The following HNRNPA2B1 variants were observed in gnomAD, a reference collection of about 807,000 sequenced individuals.
HNRNPA2B1 encodes the protein heterogeneous nuclear ribonucleoproteins A2/B1.
A neutral mutation model predicts 46.3 loss-of-function variants in HNRNPA2B1; 3 were observed. The ratio of observed to expected loss-of-function variants is 0.06; its 90% CI spans 0.03 to 0.17. The LOEUF (loss-of-function observed/expected upper bound fraction) is 0.17. Ranked by LOEUF, HNRNPA2B1 falls within the 10% of genes least tolerant of loss-of-function variation. The pLI is 1.00. For synonymous variants in HNRNPA2B1, 225 were observed against 133.8 expected, an observed-to-expected ratio of 1.68 and a Z score of -4.70; for missense variants, 221 against 418.9, an observed-to-expected ratio of 0.53 and a Z score of 4.12.
intron 7 of HNRNPA2B1, among the ~76,000 whole-genome samples, chr7:26,195,105 A>G (rs1473816630): frequency 6.9e-6 from 1 of 145,972 alleles, no homozygotes; most frequent in Non-Finnish European, 1.5e-5. Context: ...AAAAAAAAAA[A>G]AAAAAGAAAC....
Position 26,196,457 on chromosome 7 carries a change from C to A in HNRNPA2B1, c.602G>T (p.Arg201Leu). Residue 201 changes from arginine (R) to leucine (L), a missense_variant, in exon 6 of 11, where the codon CGT (arginine) becomes CTT (leucine). Physicochemically the swap from Arg to Leu is moderately radical, Grantham distance 102 (BLOSUM62 -2). Coordinates refer to ENST00000618183, the MANE Select transcript of HNRNPA2B1 (RefSeq NM_002137.4). The stretch of plus-strand genomic sequence containing the variant: ...TGGTCCGAAATTTCCACCGCCACCA[C>A]GTGAATCCCCAAAGCCAAAGTTGCC... Reference protein sequence around the residue: ...RGGNFGFGDSRGGGGNFGPGP... With the variant: ...RGGNFGFGDSLGGGGNFGPGP... The A allele has an allele frequency of 6.2e-7, 1 of 1,614,178 alleles. No homozygotes were observed. The highest frequency in any genetic ancestry group is 8.5e-7 in the Non-Finnish European group (1 of 1,180,022).
intron 9 of HNRNPA2B1, 67 bp from the exon 10 acceptor site, chr7:26,192,644 C>T (rs1310594684): frequency 7.2e-6 from 9 of 1,258,016 alleles, no homozygotes; most frequent in African/African-American, 5.9e-5. Flanking sequence ...CCTAACACTA[C>T]AGTTGATTCT....
At chr7:26,193,397 G>C (rs369481313) in intron 8 of HNRNPA2B1, 24 bp from the exon 9 acceptor site, 40 of 1,604,830 alleles carry the variant, frequency 2.5e-5, no homozygotes, top group Non-Finnish European at 2.9e-5. Flanking sequence ...GGAATACTCA[G>C]AACAATACAA....
chr7:26,196,196 T>C (rs1783608073), intron 6 of HNRNPA2B1, among the ~76,000 whole-genome samples: 1 of 152,244 alleles, frequency 6.6e-6, no homozygotes. Context: ...TGTTACATTA[T>C]TAATCCAGAT....
Position 26,200,612 on chromosome 7 carries a change from G to A in HNRNPA2B1, c.-35C>T. 6.2e-7 allele frequency: 1 copy of A among 1,613,438 alleles called. No individual in the cohort carries two copies. Among genetic ancestry groups the A allele is most frequent in the Non-Finnish European group, 8.5e-7 (1 of 1,179,994 alleles). On this transcript the variant is annotated 5_prime_UTR_variant, in exon 1 of 11. Transcript: ENST00000618183. ...AGTCGCTTCAGCCCGATTTCCCGCA[G>A]CCGAGCGAGATGAGAGAGATCTCCG...
intron 4 of HNRNPA2B1, 46 bp from the exon 5 acceptor site, chr7:26,196,704 T>A: frequency 6.4e-6 from 10 of 1,573,666 alleles, no homozygotes; most frequent in Non-Finnish European, 8.7e-6. Flanking sequence ...TCAACAATAT[T>A]AAGCAGCTTC....
intron 8 of HNRNPA2B1, 57 bp downstream of exon 8, chr7:26,193,518 T>C (rs911752782): frequency 2.6e-6 from 4 of 1,555,686 alleles, no homozygotes; most frequent in Non-Finnish European, 1.7e-6. Flanking sequence ...AAAGATCAAG[T>C]GTTACAAAGA....
chr7:26,200,192 C>T, intron 1 of HNRNPA2B1: 1 of 284,224 alleles, frequency 3.5e-6, no homozygotes. Flanking sequence ...TCCGCAGCCT[C>T]GCTCACGAGG....
In HNRNPA2B1 at chr7:26,192,546, A is replaced by G. The variant is rs763021765; in HGVS notation, c.996T>C (p.Ser332=). Residue 332 remains serine, a synonymous_variant, in exon 10 of 11, where the codon AGT becomes AGC. Transcript: ENST00000618183. The stretch of plus-strand genomic sequence containing the variant: ...ATCGGCTCCTCCCACCATAACCCCC[A>G]CTTCCTCCACTGCCTCCTGGACCAT... ...GNYGPGGSGG[S]GGYGGRSRY is the part of the protein sequence containing the mutation. The G allele has an allele frequency of 3.1e-6, 5 of 1,613,946 alleles. No individual in the cohort carries two copies. The East Asian group carries it at 1.1e-4, about 36-fold the overall frequency.
At position 26,193,588 on chromosome 7, in the gene HNRNPA2B1, G is replaced by A. The variant is rs1425992652; in HGVS notation, c.828C>T (p.Asp276=). Reference sequence around the variant, plus strand: ...TGAATTTATTACCTCCTCCATAGTTGTCATAACCACCTCCGTAGCCCCCAC... The same window carrying A: ...TGAATTTATTACCTCCTCCATAGTTATCATAACCACCTCCGTAGCCCCCAC... ...NQGGGYGGGY[D]NYGGGNYGSG... is the part of the protein sequence containing the mutation. Residue 276 remains aspartate, a synonymous_variant, in exon 8 of 11, where the codon GAC becomes GAT. Transcript: ENST00000618183. 6.3e-7 allele frequency: 1 copy of A among 1,592,752 alleles called. No homozygotes were observed. The highest frequency in any genetic ancestry group is 8.5e-7 in the Non-Finnish European group (1 of 1,174,828).
chr7:26,200,566 C>T lies in HNRNPA2B1; in HGVS notation c.6+6G>A. The T allele has an allele frequency of 1.9e-6, 3 of 1,613,424 alleles. No individual in the cohort carries two copies. The highest frequency in any genetic ancestry group is 2.5e-6 in the Non-Finnish European group (3 of 1,179,992). On this transcript the variant is annotated splice_donor_region_variant and intron_variant, in intron 1 of 10. Coordinates refer to ENST00000618183, the MANE Select transcript of HNRNPA2B1 (RefSeq NM_002137.4). ...TTCAATAACTCATTGATTTCAAACC[C>T]GTTACCTCCATCGCGGACTCAGTCG...
chr7:26,195,293 T>C (rs1174421117), intron 7 of HNRNPA2B1, among the ~76,000 whole-genome samples: 3 of 152,186 alleles, frequency 2.0e-5, no homozygotes, highest in African/African-American at 4.8e-5. Context: ...CAGTTTTAAA[T>C]GTCCCTTGTT....
chr7:26,193,734 T>C (rs1281501525), intron 7 of HNRNPA2B1, 40 bp from the exon 8 acceptor site: 9 of 1,555,806 alleles, frequency 5.8e-6, no homozygotes, highest in Admixed American at 1.8e-5. Flanking sequence ...CTTAATATTT[T>C]CAATACCATT....
rs1397016212 is a variant in HNRNPA2B1, at chr7:26,196,937, G to A, written c.345C>T (p.His115=). The A allele has an allele frequency of 1.2e-6, 2 of 1,613,300 alleles. No individual in the cohort carries two copies. Among genetic ancestry groups the A allele is most frequent in the Non-Finnish European group, 1.7e-6 (2 of 1,179,566 alleles). Residue 115 remains histidine, a synonymous_variant, in exon 4 of 11, where the codon CAC becomes CAT. Transcript: ENST00000618183. The part of the protein sequence containing the change: ...GGIKEDTEEH[H]LRDYFEEYGK... ...CATATTCCTCAAAGTAATCTCTAAG[G>A]TGATGTTCCTCAGTATCTTCTTTAA...
intron 3 of HNRNPA2B1, 95 bp downstream of exon 3, chr7:26,197,220 A>C (rs1474423698): frequency 7.0e-7 from 1 of 1,423,936 alleles, no homozygotes; most frequent in African/African-American, 1.4e-5. Flanking sequence ...TAAGAGAAAA[A>C]ATCTTGAGTT....
chr7:26,195,629 TG>T, intron 7 of HNRNPA2B1: 1 of 535,982 alleles, frequency 1.9e-6, no homozygotes, highest in South Asian at 2.4e-5. Flanking sequence ...GATACTCTGA[TG>T]GTTATCTTTA....
intron 7 of HNRNPA2B1, 105 bp downstream of exon 7, chr7:26,195,742 A>T: frequency 7.9e-7 from 1 of 1,257,990 alleles, no homozygotes; most frequent in Non-Finnish European, 1.1e-6. Flanking sequence ...CCATTTATAG[A>T]CACTAATATA....
chr7:26,195,885 A>G lies in HNRNPA2B1; in HGVS notation c.683T>C (p.Phe228Ser). The G allele has an allele frequency of 6.2e-7, 1 of 1,610,212 alleles. No homozygotes were observed. Among genetic ancestry groups the G allele is most frequent in the Non-Finnish European group, 8.5e-7 (1 of 1,178,918 alleles). ...GSDGYGSGRG[F>S]GDGYNGYGGG... ...TCCATACCCATTATAGCCATCCCCA[A>G]ATCCACGTCCACTGCCATATCCATC... The change falls in exon 7 of 11, where the codon TTT (phenylalanine) becomes TCT (serine). Residue 228 changes from phenylalanine to serine, a missense_variant. This residue lies in a region of HNRNPA2B1 where 143 missense variants were observed against 200.5 expected (regional missense o/e 0.71). Transcript: ENST00000618183.
intron 9 of HNRNPA2B1, among the ~76,000 whole-genome samples, 163 bp from the exon 10 acceptor site, chr7:26,192,740 G>T (rs191801121): frequency 6.6e-6 from 1 of 152,000 alleles, no homozygotes; most frequent in East Asian, 1.9e-4. Context: ...TAAATTACTC[G>T]GGTTCATAGA....
Sources: gnomAD v4.1 joint callset for allele counts (sites outside exome capture counted in the v4.1 genomes callset) on GRCh38, gnomAD v4.1.1 for gene constraint, gnomAD v4.1.1 regional missense constraint, MANE v1.5 for transcripts, NCBI Gene and HGNC (gene_info 2026-07-23, HGNC 2026-07-21) for gene names.